ATP6V1C2: variants seen among roughly 807,000 people sequenced by gnomAD.
ATP6V1C2 encodes the protein V-type proton ATPase subunit C 2.
ATP6V1C2 carries 45 observed loss-of-function variants against 56.8 expected under a neutral mutation model. The observed-to-expected ratio is 0.79, with a 90% confidence interval of 0.62 to 1.02. The LOEUF (loss-of-function observed/expected upper bound fraction) is 1.02, where lower values mean the gene tolerates loss of function less well. ATP6V1C2 is among the 50% of genes least tolerant of loss of function. The probability of loss-of-function intolerance (pLI) is 0.00; values close to 1 mark genes in which losing one functional copy is unlikely to be tolerated. For synonymous variants in ATP6V1C2, 220 were observed against 201.3 expected (o/e 1.09, Z -0.79); for missense variants, 463 against 519.7 (o/e 0.89, Z 1.06).
Position 10,775,676 on chromosome 2 carries a change from T to A in ATP6V1C2, c.825+605T>A, listed in dbSNP as rs114234201. Among the ~76,000 whole-genome samples, 1,021 of 152,078 alleles carry A rather than the reference T, an allele frequency of 6.7e-3. 15 individuals carry two copies. Among genetic ancestry groups the A allele is most frequent in the African/African-American group, 0.023 (975 of 41,502 alleles). ...AGGGAGCAAAACTAGATGCTCACGTTTGAATTGTGAGCAGGAGAGCTTTGG... is the reference window on the plus strand; with the variant it reads ...AGGGAGCAAAACTAGATGCTCACGTATGAATTGTGAGCAGGAGAGCTTTGG... On this transcript the variant is annotated intron_variant, in intron 10 of 13. Transcript: ENST00000272238.
At chr2:10,782,820 ACT>A (rs1406621028) in intron 13 of ATP6V1C2, among the ~76,000 whole-genome samples, 10 of 120,254 alleles carry the variant, frequency 8.3e-5, no homozygotes, top group African/African-American at 3.1e-4. Context: ...ACAGAACAAG[ACT>A]CTGTCTCAAA....
chr2:10,772,621 CCCCAGCTTGGT>C lies in ATP6V1C2; in HGVS notation c.638+17_638+27del. 2 of 1,612,178 alleles carry C rather than the reference CCCCAGCTTGGT, an allele frequency of 1.2e-6. No homozygotes were observed. Among genetic ancestry groups the C allele is most frequent in the Non-Finnish European group, 1.7e-6 (2 of 1,178,232 alleles). ...CCCTCGATCAACCAAGTAAGTGAGACCCCAGCTTGGTCCCAGGGCCCCTGGGGTACATGTGT... is the reference window on the plus strand; with the variant it reads ...CCCTCGATCAACCAAGTAAGTGAGACCCCAGGGCCCCTGGGGTACATGTGT... On this transcript the variant is annotated intron_variant, in intron 8 of 13. Transcript: ENST00000272238.
At position 10,780,366 on chromosome 2, in the gene ATP6V1C2, T is replaced by G. The variant is rs762805478; in HGVS notation, c.1061+1697T>G. ...ACCGGCCTGGCTGTTGCCATAAGCC[T>G]CCTCTCTGTTCTTGGCCTCCAATTC... is the stretch of plus-strand genomic sequence containing the variant. On this transcript the variant is annotated intron_variant, in intron 12 of 13. Transcript: ENST00000272238. This position sits in a 1 kb window ranked among gnomAD's most constrained non-coding sequence, Gnocchi z 4.1. 1.4e-4 allele frequency among the ~76,000 whole-genome samples: 22 copies of G among 152,190 alleles called. No homozygotes were observed. The highest frequency in any genetic ancestry group is 2.8e-4 in the Non-Finnish European group (19 of 68,030).
intron 5 of ATP6V1C2, among the ~76,000 whole-genome samples, chr2:10,766,198 A>T (rs1166110447): frequency 6.6e-6 from 1 of 152,150 alleles, no homozygotes; most frequent in Non-Finnish European, 1.5e-5. Context: ...AACCACAGGG[A>T]AGCAGCTCCT....
In ATP6V1C2 at chr2:10,773,549, A is replaced by G. The variant is rs1664766882; in HGVS notation, c.638+939A>G. On this transcript the variant is annotated intron_variant, in intron 8 of 13. Transcript: ENST00000272238. ...AGGCGTGCACCAACACGGCCAGCTA[A>G]TTTTTGTATTTTTGGTAGAGATGGG... Among the ~76,000 whole-genome samples the G allele has an allele frequency of 2.0e-5, 3 of 151,866 alleles. No homozygotes were observed. In the South Asian group the frequency reaches 6.3e-4, roughly 32 times the overall value.
At chr2:10,773,404 A>G (rs1319926455) in intron 8 of ATP6V1C2, among the ~76,000 whole-genome samples, 1 of 152,000 alleles carries the variant, frequency 6.6e-6, no homozygotes, top group African/African-American at 2.4e-5. Flanking sequence ...TTTTTTTGAG[A>G]TGGAGTCTCA....
intron 6 of ATP6V1C2, among the ~76,000 whole-genome samples, chr2:10,771,213 C>A (rs2148496763): frequency 6.6e-6 from 1 of 152,316 alleles, no homozygotes; most frequent in East Asian, 1.9e-4. Flanking sequence ...GCACTGTGTG[C>A]CGACGTCACG....
intron 4 of ATP6V1C2, among the ~76,000 whole-genome samples, chr2:10,755,754 C>T (rs1663517179): frequency 6.6e-6 from 1 of 152,216 alleles, no homozygotes; most frequent in South Asian, 2.1e-4. Context: ...TGAGAAATGC[C>T]TTCCTGTGCT....
intron 3 of ATP6V1C2, among the ~76,000 whole-genome samples, chr2:10,729,045 G>C (rs1661813144): frequency 6.7e-6 from 1 of 150,244 alleles, no homozygotes; most frequent in Admixed American, 6.7e-5. Flanking sequence ...CACAAGAATT[G>C]CTTGAACCTG....
intron 3 of ATP6V1C2, among the ~76,000 whole-genome samples, chr2:10,728,208 A>G (rs1424096035): frequency 6.6e-6 from 1 of 151,974 alleles, no homozygotes; most frequent in Non-Finnish European, 1.5e-5. Flanking sequence ...CAGCCTCCCA[A>G]TTATCTGAGA....
intron 4 of ATP6V1C2, among the ~76,000 whole-genome samples, chr2:10,754,562 CTTTT>C (rs1663413627): frequency 1.3e-4 from 13 of 97,792 alleles, no homozygotes; most frequent in African/African-American, 4.0e-4. Flanking sequence ...CTTTTCTTTT[CTTTT>C]CTTTTCTTTT....
At chr2:10,782,460 C>G in intron 13 of ATP6V1C2, 85 bp downstream of exon 13, 9 of 1,452,204 alleles carry the variant, frequency 6.2e-6, no homozygotes, top group South Asian at 1.2e-5. Flanking sequence ...AATCCCAACA[C>G]TTTGGGAGGT....
chr2:10,727,020 T>G (rs1468477937), intron 3 of ATP6V1C2, among the ~76,000 whole-genome samples: 1 of 150,660 alleles, frequency 6.6e-6, no homozygotes, highest in Non-Finnish European at 1.5e-5. Context: ...AACACCAGCC[T>G]GGACAATATA....
chr2:10,779,069 C>T (rs1665180960), intron 12 of ATP6V1C2, among the ~76,000 whole-genome samples: 1 of 151,922 alleles, frequency 6.6e-6, no homozygotes. Context: ...AGAGAGAAAA[C>T]CAAAACCACA....
chr2:10,781,260 G>A (rs772738084), intron 12 of ATP6V1C2, among the ~76,000 whole-genome samples: 4 of 152,266 alleles, frequency 2.6e-5, no homozygotes, highest in Non-Finnish European at 5.9e-5. Flanking sequence ...AGCGCCTTAA[G>A]CTTTAAGGAC....
chr2:10,758,974 T>TTTAAGTTAAACTTAAG (rs1405614083), intron 4 of ATP6V1C2, among the ~76,000 whole-genome samples: 1 of 152,350 alleles, frequency 6.6e-6, no homozygotes, highest in East Asian at 1.9e-4. Context: ...CCGAGAGGCC[T>TTTAAGTTAAACTTAAG]TTAAACTTAG....
intron 3 of ATP6V1C2, among the ~76,000 whole-genome samples, chr2:10,736,009 G>C (rs1022353113): frequency 6.6e-6 from 1 of 152,118 alleles, no homozygotes; most frequent in Non-Finnish European, 1.5e-5. Flanking sequence ...GACCACATTT[G>C]GCATACTAAG....
intron 3 of ATP6V1C2, among the ~76,000 whole-genome samples, chr2:10,742,277 G>A (rs1318093144): frequency 6.6e-6 from 1 of 152,142 alleles, no homozygotes; most frequent in Non-Finnish European, 1.5e-5. Flanking sequence ...GAAAATCCAG[G>A]GAGGGAGAAA....
rs1348848519 is a variant in ATP6V1C2 at position 10,783,596 on chromosome 2, C to T, written c.*333C>T. 1 of 200,774 alleles carries T rather than the reference C, an allele frequency of 5.0e-6. No homozygotes were observed. The highest frequency in any genetic ancestry group is 1.0e-5 in the Non-Finnish European group (1 of 98,922). 12.4% of individuals were successfully genotyped at this position (200,774 alleles called of 1,614,324 possible). A position where few individuals can be genotyped will look rare whatever the true frequency, so the allele number is the denominator to read the frequency against. On this transcript the variant is annotated 3_prime_UTR_variant, in exon 14 of 14. Coordinates refer to ENST00000272238, the MANE Select transcript of ATP6V1C2 (RefSeq NM_001039362.2). ...ACATAGAAAGCCTTGAACTGTATAA[C>T]CAGCTAGATTCCTTAATAATTAGTC...
Sources: allele counts gnomAD v4.1 joint callset (sites outside exome capture counted in the v4.1 genomes callset), GRCh38; gene constraint gnomAD v4.1.1; non-coding constraint Gnocchi (gnomAD v3.1); transcripts MANE v1.5; gene names NCBI Gene and HGNC (gene_info 2026-07-23, HGNC 2026-07-21).